The following COX15 variants were observed in gnomAD, a reference collection of about 807,000 sequenced individuals.
COX15 encodes heme A synthase COX15.
A neutral mutation model predicts 51.9 loss-of-function variants in COX15; 51 were observed. That is an observed-to-expected ratio of 0.98 (90% CI 0.78 to 1.24). The LOEUF (loss-of-function observed/expected upper bound fraction) is 1.24. Among genes scored for constraint, COX15 ranks in the 50% most tolerant of loss-of-function variants. COX15 has a pLI of 0.00. For missense variants in COX15, 420 were observed against 501.1 expected (o/e 0.84, Z 1.55); for synonymous variants, 188 against 190.5 (o/e 0.99, Z 0.11).
Position 99,731,880 on chromosome 10 carries a change from T to TG in COX15, c.90+79dup, listed in dbSNP as rs2037161610. On this transcript the variant is annotated intron_variant, in intron 1 of 8. Coordinates refer to ENST00000016171, the MANE Select transcript of COX15 (RefSeq NM_078470.6). ...TGTAAGGAGCTCCGGAAACGTGATGTGGGGCTCTACATTATCTTTATCCCG... is the reference window on the plus strand; with the variant it reads ...TGTAAGGAGCTCCGGAAACGTGATGTGGGGGCTCTACATTATCTTTATCCCG... The TG allele has an allele frequency of 6.5e-6, 10 of 1,531,260 alleles. No individual in the cohort carries two copies. In the East Asian group the frequency reaches 2.4e-4, roughly 37 times the overall value. 94.9% of individuals were successfully genotyped at this position (1,531,260 alleles called of 1,614,324 possible). A position where few individuals can be genotyped will look rare whatever the true frequency, so the allele number is the denominator to read the frequency against.
chr10:99,727,501 G>C lies in COX15; in HGVS notation c.335C>G (p.Thr112Arg). 1 of 1,613,800 alleles carries C rather than the reference G, an allele frequency of 6.2e-7. No homozygotes were observed. Among genetic ancestry groups the C allele is most frequent in the Non-Finnish European group, 8.5e-7 (1 of 1,179,942 alleles). Residue 112 changes from threonine to arginine, a missense_variant, in exon 3 of 9, where the codon ACA becomes AGA. Thr to Arg is a moderately conservative substitution (Grantham distance 71). Transcript: ENST00000016171. ...WHLIKEMKPP[T>R]SQEEWEAEFQ... ...TTCTGCTTCCCATTCCTCTTGGCTT[G>C]TAGGTGGCTTCATCTCCTTTATTAA...
intron 7 of COX15, among the ~76,000 whole-genome samples, chr10:99,717,860 A>G (rs1462454549): frequency 1.3e-5 from 2 of 152,316 alleles, no homozygotes; most frequent in East Asian, 3.9e-4. Context: ...CAGGCCTCCA[A>G]GCCAATCTTT....
chr10:99,703,672 CT>C, the COX15 span, among the ~76,000 whole-genome samples: 113 of 152,168 alleles, frequency 7.4e-4, 1 homozygote, highest in East Asian at 0.019. Flanking sequence ...CAGGTAACAG[CT>C]TTATTTAGAT....
intron 4 of COX15, among the ~76,000 whole-genome samples, chr10:99,725,976 A>T (rs2036937240): frequency 6.6e-6 from 1 of 151,684 alleles, no homozygotes; most frequent in Admixed American, 6.6e-5. Flanking sequence ...CTAAACCTTG[A>T]CCCAAATACT....
downstream of COX15, chr10:99,710,462 A>C: frequency 1.4e-5 from 14 of 985,354 alleles, no homozygotes; most frequent in Non-Finnish European, 1.7e-5. Flanking sequence ...ACTTTAAAAA[A>C]CCAAAGGCTG....
the COX15 span, chr10:99,704,716 C>T: frequency 3.2e-6 from 5 of 1,573,782 alleles, no homozygotes; most frequent in Admixed American, 1.8e-5. Context: ...CTTGAGCACC[C>T]CCGAGTTGCT....
In COX15 at chr10:99,713,878, A is replaced by C; in HGVS notation, c.*709T>G. ...CAGCTACTCGGGAGGCTGAGGCATG[A>C]GAATCGCTTGAACCTGGGAAGTGGA... On this transcript the variant is annotated 3_prime_UTR_variant, in exon 9 of 9. Coordinates refer to ENST00000016171, the MANE Select transcript of COX15 (RefSeq NM_078470.6). 1 of 513,070 alleles carries C rather than the reference A, an allele frequency of 1.9e-6. No individual in the cohort carries two copies. Among genetic ancestry groups the C allele is most frequent in the Non-Finnish European group, 2.7e-6 (1 of 372,218 alleles). The allele number at this position is 513,070 out of a possible 1,614,324, so 31.8% of individuals were successfully genotyped here.
chr10:99,710,813 C>A (rs1048724008), downstream of COX15: 4 of 985,224 alleles, frequency 4.1e-6, no homozygotes, highest in African/African-American at 3.5e-5. Flanking sequence ...ACCCCTGCTA[C>A]AATAGATAGT....
At chr10:99,696,475 T>C in the COX15 span, among the ~76,000 whole-genome samples, 1 of 152,270 alleles carries the variant, frequency 6.6e-6, no homozygotes, top group Non-Finnish European at 1.5e-5. Context: ...CATGGAAGTG[T>C]TCAAGACATG....
chr10:99,712,263 T>C lies in COX15; in HGVS notation c.*2324A>G. The C allele has an allele frequency of 1.0e-6, 1 of 985,346 alleles. No homozygotes were observed. The highest frequency in any genetic ancestry group is 1.7e-5 in the African/African-American group (1 of 57,328). The allele number at this position is 985,346 out of a possible 1,614,324, so 61.0% of individuals were successfully genotyped here. A position where few individuals can be genotyped will look rare whatever the true frequency, so the allele number is the denominator to read the frequency against. On this transcript the variant is annotated 3_prime_UTR_variant, in exon 9 of 9. Coordinates refer to ENST00000016171, the MANE Select transcript of COX15 (RefSeq NM_078470.6). Reference sequence around the variant, plus strand: ...CAGGTCACAGAAACTTACAGAGTACTGGAGTTGAAAGAGAACTGAGATCAC... The same window carrying C: ...CAGGTCACAGAAACTTACAGAGTACCGGAGTTGAAAGAGAACTGAGATCAC...
At chr10:99,729,153 T>C (rs536831690) in intron 2 of COX15, among the ~76,000 whole-genome samples, 1 of 152,250 alleles carries the variant, frequency 6.6e-6, no homozygotes, top group South Asian at 2.1e-4. Flanking sequence ...GGAGCTAGAC[T>C]AGATGCTCTG....
chr10:99,718,136 A>C (rs1184704628), intron 7 of COX15, among the ~76,000 whole-genome samples: 1 of 126,810 alleles, frequency 7.9e-6, no homozygotes, highest in Non-Finnish European at 1.6e-5. Context: ...GAAAGCTAGA[A>C]TTTGGCTGGG....
the COX15 span, among the ~76,000 whole-genome samples, chr10:99,695,583 T>A: frequency 1.4e-5 from 2 of 144,152 alleles, no homozygotes; most frequent in Admixed American, 7.2e-5. Context: ...TCCACAGAGT[T>A]CCTTAAATTT....
At chr10:99,695,336 A>G in the COX15 span, among the ~76,000 whole-genome samples, 8 of 152,114 alleles carry the variant, frequency 5.3e-5, no homozygotes, top group Non-Finnish European at 4.4e-5. Context: ...CATCCTGGCC[A>G]ACATGGTGAA....
At chr10:99,700,218 T>C in the COX15 span, among the ~76,000 whole-genome samples, 4 of 152,140 alleles carry the variant, frequency 2.6e-5, no homozygotes, top group Admixed American at 2.0e-4. Flanking sequence ...CTTAACATAT[T>C]ATCTTTTCCA....
chr10:99,722,196 T>C (rs2036797337), intron 5 of COX15, among the ~76,000 whole-genome samples: 1 of 152,228 alleles, frequency 6.6e-6, no homozygotes, highest in South Asian at 2.1e-4. Flanking sequence ...TAGCCATATG[T>C]AGCTAGTAGC....
At chr10:99,722,885 C>A (rs1477560526) in intron 5 of COX15, 2 of 151,950 alleles carry the variant, frequency 1.3e-5, no homozygotes, top group Non-Finnish European at 2.9e-5. Flanking sequence ...CTTTGAAAGT[C>A]AGGAGACTTT....
At position 99,710,913 on chromosome 10, in the gene COX15, T is replaced by C; in HGVS notation, c.*3674A>G. ...AATTTCCTTCATGTTTTAAAAACAATGGACGTAAGTGCAGAGAGACCTTTG... is the reference window on the plus strand; with the variant it reads ...AATTTCCTTCATGTTTTAAAAACAACGGACGTAAGTGCAGAGAGACCTTTG... On this transcript the variant is annotated 3_prime_UTR_variant, in exon 9 of 9. Coordinates refer to ENST00000016171, the MANE Select transcript of COX15 (RefSeq NM_078470.6). The C allele has an allele frequency of 1.0e-6, 1 of 985,352 alleles. No individual in the cohort carries two copies. Among genetic ancestry groups the C allele is most frequent in the Non-Finnish European group, 1.2e-6 (1 of 829,828 alleles). The allele number at this position is 985,352 out of a possible 1,614,324, so 61.0% of individuals were successfully genotyped here.
downstream of COX15, chr10:99,709,686 T>C (rs748261749): frequency 6.8e-5 from 67 of 985,332 alleles, no homozygotes; most frequent in Non-Finnish European, 8.0e-5. Flanking sequence ...ATCTACCCTG[T>C]TTTCTGTTTC....
Sources: allele counts gnomAD v4.1 joint callset (sites outside exome capture counted in the v4.1 genomes callset), GRCh38; gene constraint gnomAD v4.1.1; transcripts MANE v1.5; gene names NCBI Gene and HGNC (gene_info 2026-07-23, HGNC 2026-07-21).